SLC25A15: variants seen among roughly 807,000 people sequenced by gnomAD.
SLC25A15 encodes the protein mitochondrial ornithine transporter 1.
SLC25A15 carries 24 observed loss-of-function variants against 32.3 expected under a neutral mutation model. The observed-to-expected ratio is 0.74, with a 90% confidence interval of 0.54 to 1.04. The LOEUF is 1.04. Ranked by LOEUF, SLC25A15 falls within the 50% of genes least tolerant of loss-of-function variation. The probability of loss-of-function intolerance (pLI) is 0.00; values close to 1 mark genes in which losing one functional copy is unlikely to be tolerated. For missense variants in SLC25A15, 317 were observed against 374.5 expected (o/e 0.85, Z 1.27); for synonymous variants, 132 against 142.1 (o/e 0.93, Z 0.51).
chr13:40,810,625 T>C lies in SLC25A15; in HGVS notation c.*958T>C. 1 of 397,768 alleles carries C rather than the reference T, an allele frequency of 2.5e-6. No homozygotes were observed. Among genetic ancestry groups the C allele is most frequent in the Non-Finnish European group, 5.0e-6 (1 of 199,960 alleles). 24.6% of individuals were successfully genotyped at this position (397,768 alleles called of 1,614,324 possible). On this transcript the variant is annotated 3_prime_UTR_variant, in exon 7 of 7. Coordinates refer to ENST00000338625, the MANE Select transcript of SLC25A15 (RefSeq NM_014252.4). Reference sequence around the variant, plus strand: ...TCCCCAAGATGCTCTACTCTTAAAATAGTGCCATTCATTTTCTAGGTGGGA... The same window carrying C: ...TCCCCAAGATGCTCTACTCTTAAAACAGTGCCATTCATTTTCTAGGTGGGA...
intron 5 of SLC25A15, among the ~76,000 whole-genome samples, chr13:40,808,199 C>T (rs1429157056): frequency 6.6e-6 from 1 of 152,228 alleles, no homozygotes; most frequent in Admixed American, 6.5e-5. Context: ...GAAATATAAC[C>T]CTCACTAAGG....
chr13:40,796,277 A>G (rs990959561), intron 2 of SLC25A15, among the ~76,000 whole-genome samples: 2 of 152,182 alleles, frequency 1.3e-5, no homozygotes, highest in African/African-American at 4.8e-5. Flanking sequence ...TATCTACTCT[A>G]AAGTGCTGGG....
At chr13:40,804,154 A>G (rs1232660320) in intron 3 of SLC25A15, among the ~76,000 whole-genome samples, 3 of 152,304 alleles carry the variant, frequency 2.0e-5, no homozygotes, top group East Asian at 1.9e-4. Context: ...TAATTTGAAC[A>G]TAGCCGTCTT....
At chr13:40,801,021 C>T (rs1593292001) in intron 3 of SLC25A15, among the ~76,000 whole-genome samples, 1 of 151,924 alleles carries the variant, frequency 6.6e-6, no homozygotes, top group African/African-American at 2.4e-5. Context: ...TTACTTGAGC[C>T]CAGGAGTTTG....
At position 40,809,208 on chromosome 13, in the gene SLC25A15, G is replaced by GAAGCTGCA. The variant is rs534799089; in HGVS notation, c.782-327_782-320dup. On this transcript the variant is annotated intron_variant, in intron 6 of 6. Transcript: ENST00000338625. ...TTGGTGTTCCTGCCACTGCCCAGGT[G>GAAGCTGCA]AAGCTGCAAAGCTGCTGCCACCTCT... Among the ~76,000 whole-genome samples, 180 of 152,342 alleles carry GAAGCTGCA rather than the reference G, an allele frequency of 1.2e-3. 1 individual carries two copies. The highest frequency in any genetic ancestry group is 4.2e-3 in the African/African-American group (173 of 41,582).
chr13:40,790,856 G>C (rs937258460), intron 1 of SLC25A15, among the ~76,000 whole-genome samples: 66 of 152,308 alleles, frequency 4.3e-4, no homozygotes, highest in African/African-American at 1.5e-3. Flanking sequence ...CAAAGTGCTG[G>C]GATTACAGGC....
chr13:40,809,406 T>C, intron 6 of SLC25A15, 137 bp from the exon 7 acceptor site: 1 of 1,059,398 alleles, frequency 9.4e-7, no homozygotes, highest in East Asian at 2.4e-5. Context: ...AAGCTGGGAA[T>C]GCATCCTTCT....
Position 40,810,309 on chromosome 13 carries a change from C to T in SLC25A15, c.*642C>T, listed in dbSNP as rs1882393773. Among the ~76,000 whole-genome samples the T allele has an allele frequency of 1.3e-5, 2 of 152,146 alleles. No homozygotes were observed. The highest frequency in any genetic ancestry group is 1.9e-4 in the East Asian group (1 of 5,192). ...GAGTAGCTGGGATTACAGGTACGCG[C>T]CACCATGTCCAGCTAATTTTTTTTG... On this transcript the variant is annotated 3_prime_UTR_variant, in exon 7 of 7. Coordinates refer to ENST00000338625, the MANE Select transcript of SLC25A15 (RefSeq NM_014252.4).
intron 2 of SLC25A15, among the ~76,000 whole-genome samples, chr13:40,795,674 G>A (rs1162669821): frequency 6.6e-6 from 1 of 152,034 alleles, no homozygotes; most frequent in Non-Finnish European, 1.5e-5. Flanking sequence ...AGCGAGACAT[G>A]GTCTATAGGT....
At chr13:40,790,691 T>C (rs1378428326) in intron 1 of SLC25A15, among the ~76,000 whole-genome samples, 1 of 152,150 alleles carries the variant, frequency 6.6e-6, no homozygotes, top group African/African-American at 2.4e-5. Flanking sequence ...GGGTTCAAGC[T>C]ATTCTCCTCC....
At chr13:40,804,755 T>G (rs1031690346) in intron 3 of SLC25A15, among the ~76,000 whole-genome samples, 1 of 151,710 alleles carries the variant, frequency 6.6e-6, no homozygotes, top group Middle Eastern at 3.2e-3. Flanking sequence ...TTTCACCATG[T>G]TAGCCAGGAT....
Position 40,810,005 on chromosome 13 carries a change from T to TA in SLC25A15, c.*339dup. On this transcript the variant is annotated 3_prime_UTR_variant, in exon 7 of 7. Coordinates refer to ENST00000338625, the MANE Select transcript of SLC25A15 (RefSeq NM_014252.4). ...CACTTGTACATGCAATTTGGACAGT[T>TA]ATGTGTTGAGGGAAATACAGTTTGG... is the stretch of plus-strand genomic sequence containing the variant. 2.8e-6 allele frequency: 1 copy of TA among 362,746 alleles called. No homozygotes were observed. Among genetic ancestry groups the TA allele is most frequent in the Non-Finnish European group, 5.3e-6 (1 of 189,170 alleles). 22.5% of individuals were successfully genotyped at this position (362,746 alleles called of 1,614,324 possible). A position where few individuals can be genotyped will look rare whatever the true frequency, so the allele number is the denominator to read the frequency against.
At chr13:40,802,797 C>T (rs894238226) in intron 3 of SLC25A15, among the ~76,000 whole-genome samples, 14 of 152,126 alleles carry the variant, frequency 9.2e-5, no homozygotes, top group African/African-American at 3.4e-4. Context: ...TGGTCTTGAT[C>T]TCTTGACCTC....
At chr13:40,790,101 G>T (rs1881426815) in intron 1 of SLC25A15, among the ~76,000 whole-genome samples, 1 of 152,200 alleles carries the variant, frequency 6.6e-6, no homozygotes, top group Non-Finnish European at 1.5e-5. Flanking sequence ...CGCCTGGCCG[G>T]TCCTTGGCGG....
intron 4 of SLC25A15, among the ~76,000 whole-genome samples, chr13:40,805,645 C>T (rs1289261630): frequency 6.6e-6 from 1 of 152,196 alleles, no homozygotes; most frequent in African/African-American, 2.4e-5. Context: ...ATTTGATCCC[C>T]ACTTCAGGTT....
Position 40,804,876 on chromosome 13 carries a change from G to A in SLC25A15, c.315-242G>A, listed in dbSNP as rs867239224. ...TTTCATCATTTTTTTAGACATGGAGGTCTCTCTTTGTTTCCCAAGCTGGAA... is the reference window on the plus strand; with the variant it reads ...TTTCATCATTTTTTTAGACATGGAGATCTCTCTTTGTTTCCCAAGCTGGAA... On this transcript the variant is annotated intron_variant, in intron 3 of 6. Coordinates refer to ENST00000338625, the MANE Select transcript of SLC25A15 (RefSeq NM_014252.4). Among the ~76,000 whole-genome samples, 8 of 152,052 alleles carry A rather than the reference G, an allele frequency of 5.3e-5. No individual in the cohort carries two copies. The South Asian group carries it at 1.0e-3, about 20-fold the overall frequency.
rs1881569189 is a variant in SLC25A15 at position 40,793,165 on chromosome 13, T to C, written c.-62T>C. ...ACTCTTGCCTCCCCCCAGGGATATG[T>C]GGTGCCTGTCATAAGCTCCAGAGAG... On this transcript the variant is annotated 5_prime_UTR_variant, in exon 2 of 7. Coordinates refer to ENST00000338625, the MANE Select transcript of SLC25A15 (RefSeq NM_014252.4). The C allele has an allele frequency of 1.9e-6, 3 of 1,556,010 alleles. No individual in the cohort carries two copies. Among genetic ancestry groups the C allele is most frequent in the African/African-American group, 1.4e-5 (1 of 73,772 alleles).
chr13:40,794,388 A>T (rs552536666), intron 2 of SLC25A15, among the ~76,000 whole-genome samples: 1 of 151,448 alleles, frequency 6.6e-6, no homozygotes, highest in African/African-American at 2.4e-5. Flanking sequence ...CTGATAATGG[A>T]CTGTGTCTTA....
At chr13:40,808,417 T>C (rs746265861) in intron 5 of SLC25A15, 21 bp from the exon 6 acceptor site, 171 of 1,609,898 alleles carry the variant, frequency 1.1e-4, no homozygotes, top group Non-Finnish European at 1.4e-4. Flanking sequence ...AAATACCATT[T>C]GCTATTTTTT....
Sources: gnomAD v4.1 joint callset for allele counts (sites outside exome capture counted in the v4.1 genomes callset) on GRCh38, gnomAD v4.1.1 for gene constraint, MANE v1.5 for transcripts, NCBI Gene and HGNC (gene_info 2026-07-23, HGNC 2026-07-21) for gene names.